The following ABLIM2 variants were observed in gnomAD, a reference collection of about 807,000 sequenced individuals.
ABLIM2 encodes the protein actin-binding LIM protein 2.
A neutral mutation model predicts 97.7 loss-of-function variants in ABLIM2; 53 were observed. The ratio of observed to expected loss-of-function variants is 0.54; its 90% CI spans 0.44 to 0.68. The LOEUF (loss-of-function observed/expected upper bound fraction) is 0.68, where lower values mean the gene tolerates loss of function less well. Ranked by LOEUF, ABLIM2 falls within the 30% of genes least tolerant of loss-of-function variation. The pLI, the probability that ABLIM2 is intolerant of heterozygous loss-of-function variation, is 0.00. For synonymous variants in ABLIM2, 361 were observed against 345.8 expected (o/e 1.04, Z -0.49); for missense variants, 835 against 867.2 (o/e 0.96, Z 0.47).
rs1336319292 is a variant in ABLIM2 at position 7,970,500 on chromosome 4, G to T, written c.1825-3397C>A. ...TGGAGAGGGAGCGGATGGTGGGCAGGCGTGCCCCGCATGCTGGGGAAGGAG... is the reference window on the plus strand; with the variant it reads ...TGGAGAGGGAGCGGATGGTGGGCAGTCGTGCCCCGCATGCTGGGGAAGGAG... On this transcript the variant is annotated intron_variant, in intron 20 of 20. Transcript: ENST00000447017. This position sits in a 1 kb window ranked among gnomAD's most constrained non-coding sequence, Gnocchi z 5.3. 1.3e-5 allele frequency among the ~76,000 whole-genome samples: 2 copies of T among 151,986 alleles called. No homozygotes were observed. The highest frequency in any genetic ancestry group is 2.4e-5 in the African/African-American group (1 of 41,530).
At position 7,976,906 on chromosome 4, in the gene ABLIM2, TAC is replaced by T. The variant is rs66908273; in HGVS notation, c.1824+6356_1824+6357del. ...ACACACGCATATACACACATACATGTACACACACACATACACACATACACACA... is the reference window on the plus strand; with the variant it reads ...ACACACGCATATACACACATACATGTACACACACATACACACATACACACA... On this transcript the variant is annotated intron_variant, in intron 20 of 20. Transcript: ENST00000447017. Among the ~76,000 whole-genome samples, 289 of 36,148 alleles carry T rather than the reference TAC, an allele frequency of 8.0e-3. No homozygotes were observed. The East Asian group carries it at 0.08, about 10-fold the overall frequency. The allele number at this position is 36,148 out of a possible 152,430, so 23.7% of individuals were successfully genotyped here. A position where few individuals can be genotyped will look rare whatever the true frequency, so the allele number is the denominator to read the frequency against.
At chr4:7,995,082 T>G (rs1007476040) in intron 16 of ABLIM2, among the ~76,000 whole-genome samples, 1 of 59,950 alleles carries the variant, frequency 1.7e-5, no homozygotes, top group Non-Finnish European at 5.4e-5. Context: ...GAAATGCTCA[T>G]CATCACTGGC....
rs777360390 is a variant in ABLIM2, at chr4:8,060,409, C to T, written c.763+558G>A. ...TTTCCCATGGGGCCTGTTAGAAGTCCGCTACATTTTCCTCCAAATCCTCCT... is the reference window on the plus strand; with the variant it reads ...TTTCCCATGGGGCCTGTTAGAAGTCTGCTACATTTTCCTCCAAATCCTCCT... On this transcript the variant is annotated intron_variant, in intron 7 of 20. Transcript: ENST00000447017. Among the ~76,000 whole-genome samples the T allele has an allele frequency of 5.3e-4, 80 of 152,262 alleles. 1 individual carries two copies. Among genetic ancestry groups the T allele is most frequent in the Admixed American group, 2.0e-4 (3 of 15,292 alleles).
chr4:8,059,922 AAAAAAC>A (rs1396242026), intron 7 of ABLIM2, among the ~76,000 whole-genome samples: 1 of 106,258 alleles, frequency 9.4e-6, no homozygotes, highest in Non-Finnish European at 2.2e-5. Context: ...AAAAAAAAAA[AAAAAAC>A]CCCAAAAAAC....
intron 20 of ABLIM2, 37 bp from the exon 21 acceptor site, chr4:7,967,140 G>C: frequency 1.3e-6 from 2 of 1,562,332 alleles, no homozygotes; most frequent in Non-Finnish European, 1.8e-6. Context: ...GGACCAGTTA[G>C]CCACGCAGCA....
At position 8,147,202 on chromosome 4, in the gene ABLIM2, C is replaced by T. The variant is rs753653979; in HGVS notation, c.10+11478G>A. 6.6e-6 allele frequency among the ~76,000 whole-genome samples: 1 copy of T among 152,194 alleles called. No individual in the cohort carries two copies. Among genetic ancestry groups the T allele is most frequent in the African/African-American group, 2.4e-5 (1 of 41,446 alleles). On this transcript the variant is annotated intron_variant, in intron 1 of 20. Coordinates refer to ENST00000447017, the MANE Select transcript of ABLIM2 (RefSeq NM_001130083.2). This position sits in a 1 kb window ranked among gnomAD's most constrained non-coding sequence, Gnocchi z 5.3. ...GATTAGACCAATTCATATTCTTATC[C>T]ACAGTCTGTGACAGGATCTAACTCC...
Position 8,156,785 on chromosome 4 carries a change from C to G in ABLIM2, c.10+1895G>C, listed in dbSNP as rs553193568. 3.8e-4 allele frequency among the ~76,000 whole-genome samples: 58 copies of G among 152,378 alleles called. 1 individual carries two copies. Among genetic ancestry groups the G allele is most frequent in the Middle Eastern group, 3.4e-3 (1 of 294 alleles). On this transcript the variant is annotated intron_variant, in intron 1 of 20. Coordinates refer to ENST00000447017, the MANE Select transcript of ABLIM2 (RefSeq NM_001130083.2). ...TGATGGAAGCTCCTGTCCTGCCAGA[C>G]ATACACAGTGGCCGGACGTTAGAGC...
chr4:8,110,749 G>A (rs1211572804), intron 1 of ABLIM2, among the ~76,000 whole-genome samples: 3 of 152,190 alleles, frequency 2.0e-5, no homozygotes, highest in Admixed American at 6.5e-5. Context: ...GGCCGCCTCC[G>A]AGGCGTCCGG....
At chr4:7,994,779 T>TTG in intron 16 of ABLIM2, among the ~76,000 whole-genome samples, 2 of 116,856 alleles carry the variant, frequency 1.7e-5, no homozygotes, top group Non-Finnish European at 4.1e-5. Flanking sequence ...TGACTTCATG[T>TTG]CCAAAACACC....
At position 8,003,694 on chromosome 4, in the gene ABLIM2, T is replaced by C. The variant is rs1758942462; in HGVS notation, c.1618+4365A>G. On this transcript the variant is annotated intron_variant, in intron 16 of 20. Coordinates refer to ENST00000447017, the MANE Select transcript of ABLIM2 (RefSeq NM_001130083.2). This position sits in a 1 kb window ranked among gnomAD's most constrained non-coding sequence, Gnocchi z 4.2. ...GATTCTCCTGCCTCAGCCTCCCAAG[T>C]AGCTGAGATTACAGGTATCCTCCAC... Among the ~76,000 whole-genome samples, 1 of 151,778 alleles carries C rather than the reference T, an allele frequency of 6.6e-6. No homozygotes were observed. Among genetic ancestry groups the C allele is most frequent in the South Asian group, 2.1e-4 (1 of 4,806 alleles).
At chr4:7,984,707 C>G in intron 18 of ABLIM2, 132 bp downstream of exon 18, 1 of 970,214 alleles carries the variant, frequency 1.0e-6, no homozygotes, top group African/African-American at 1.6e-5. Context: ...CGCCCTCCCC[C>G]GAGGTGTCCC....
At chr4:7,979,648 C>G (rs1028390377) in intron 20 of ABLIM2, among the ~76,000 whole-genome samples, 3 of 152,144 alleles carry the variant, frequency 2.0e-5, no homozygotes, top group Admixed American at 2.0e-4. Flanking sequence ...CAGAGAAGAC[C>G]CCTTTCCTCA....
At chr4:7,991,966 G>C (rs573579651) in intron 17 of ABLIM2, among the ~76,000 whole-genome samples, 88 of 152,298 alleles carry the variant, frequency 5.8e-4, no homozygotes, top group African/African-American at 1.6e-3. Flanking sequence ...GCAACAAAGA[G>C]GGGGCCAGTT....
Position 8,019,028 on chromosome 4 carries a change from C to G in ABLIM2, c.1423+590G>C, listed in dbSNP as rs1392065966. 6.6e-6 allele frequency among the ~76,000 whole-genome samples: 1 copy of G among 152,176 alleles called. No individual in the cohort carries two copies. The highest frequency in any genetic ancestry group is 1.5e-5 in the Non-Finnish European group (1 of 68,028). On this transcript the variant is annotated intron_variant, in intron 14 of 20. Coordinates refer to ENST00000447017, the MANE Select transcript of ABLIM2 (RefSeq NM_001130083.2). The surrounding 1 kb of genome is among the most constrained non-coding windows in gnomAD (Gnocchi z 4.3). ...GGAGACCATGTGGCCCCGATTCCTG[C>G]TCCATGGCCCACGCAAGCTGCTCCC...
chr4:8,082,128 C>T lies in ABLIM2; in HGVS notation c.455-1326G>A, dbSNP rs927862978. 6.6e-6 allele frequency among the ~76,000 whole-genome samples: 1 copy of T among 152,082 alleles called. No individual in the cohort carries two copies. Among genetic ancestry groups the T allele is most frequent in the Non-Finnish European group, 1.5e-5 (1 of 67,996 alleles). On this transcript the variant is annotated intron_variant, in intron 4 of 20. Coordinates refer to ENST00000447017, the MANE Select transcript of ABLIM2 (RefSeq NM_001130083.2). This position sits in a 1 kb window ranked among gnomAD's most constrained non-coding sequence, Gnocchi z 5.6. Reference sequence around the variant, plus strand: ...GGACAGGGAGGAAGAGGGTGTCTGACAAACAGGGCCTTGCCGCCTGCAGGA... The same window carrying T: ...GGACAGGGAGGAAGAGGGTGTCTGATAAACAGGGCCTTGCCGCCTGCAGGA...
In ABLIM2 at chr4:8,071,714, C is replaced by CA; in HGVS notation, c.675+5913_675+5914insT. On this transcript the variant is annotated intron_variant, in intron 6 of 20. Transcript: ENST00000447017. This position sits in a 1 kb window ranked among gnomAD's most constrained non-coding sequence, Gnocchi z 6.2. Reference sequence around the variant, plus strand: ...AAAAACCCACCCACCCGCAGCCCCTCCTGGCCCCTGTGAGCCCCCATCAGC... The same window carrying CA: ...AAAAACCCACCCACCCGCAGCCCCTCACTGGCCCCTGTGAGCCCCCATCAGC... The CA allele has an allele frequency of 1.0e-6, 1 of 962,930 alleles. No individual in the cohort carries two copies. Among genetic ancestry groups the CA allele is most frequent in the Non-Finnish European group, 1.2e-6 (1 of 809,600 alleles). The allele number at this position is 962,930 out of a possible 1,614,324, so 59.6% of individuals were successfully genotyped here.
At chr4:8,108,911 G>C (rs1838875982) in intron 1 of ABLIM2, among the ~76,000 whole-genome samples, 1 of 152,262 alleles carries the variant, frequency 6.6e-6, no homozygotes, top group Non-Finnish European at 1.5e-5. Flanking sequence ...CTTGAGACCA[G>C]GCTGTGGGTG....
At chr4:8,020,157 A>C (rs1427361503) in intron 13 of ABLIM2, 45 bp downstream of exon 13, 8 of 1,566,716 alleles carry the variant, frequency 5.1e-6, no homozygotes, top group South Asian at 3.5e-5. Context: ...TTCGGTGTGG[A>C]CAGTTTCAGT....
intron 3 of ABLIM2, among the ~76,000 whole-genome samples, chr4:8,089,026 C>T (rs1319003959): frequency 6.6e-6 from 1 of 152,188 alleles, no homozygotes; most frequent in Admixed American, 6.5e-5. Flanking sequence ...TGCCATTTTG[C>T]TCTAAATGGA....
Sources: allele counts gnomAD v4.1 joint callset (sites outside exome capture counted in the v4.1 genomes callset), GRCh38; gene constraint gnomAD v4.1.1; non-coding constraint Gnocchi (gnomAD v3.1); transcripts MANE v1.5; gene names NCBI Gene and HGNC (gene_info 2026-07-23, HGNC 2026-07-21).